KCNQ2: variants seen among roughly 807,000 people sequenced by gnomAD.
KCNQ2 encodes the protein potassium voltage-gated channel subfamily Q member 2, also known as potassium voltage-gated channel subfamily KQT member 2.
Under a neutral mutation model 84.8 loss-of-function variants are expected in KCNQ2, and 14 were observed. That is an observed-to-expected ratio of 0.17 (90% CI 0.11 to 0.26). The LOEUF is 0.26. Among genes scored for constraint, KCNQ2 ranks in the 10% least tolerant of loss-of-function variants. The pLI is 1.00. For missense variants in KCNQ2, 788 were observed against 1,254.0 expected, an observed-to-expected ratio of 0.63 and a Z score of 5.61; for synonymous variants, 599 against 554.1, an observed-to-expected ratio of 1.08 and a Z score of -1.14.
At position 63,414,209 on chromosome 20, in the gene KCNQ2, C is replaced by T. The variant is rs1210041800; in HGVS notation, c.1526-16G>A. 23 of 1,597,744 alleles carry T rather than the reference C, an allele frequency of 1.4e-5. No individual in the cohort carries two copies. Among genetic ancestry groups the T allele is most frequent in the Non-Finnish European group, 1.8e-5 (21 of 1,166,006 alleles). ...AGGCTTGCTTCTGGGGGGAAGGAGA[C>T]AGGCCGTGAGGGGCCGAGGGGGCCG... On this transcript the variant is annotated splice_polypyrimidine_tract_variant and intron_variant, in intron 13 of 16. Coordinates refer to ENST00000359125, the MANE Select transcript of KCNQ2 (RefSeq NM_172107.4). This position sits in a 1 kb window ranked among gnomAD's most constrained non-coding sequence, Gnocchi z 6.6.
chr20:63,421,084 G>C (rs1421882668), intron 11 of KCNQ2, among the ~76,000 whole-genome samples: 1 of 151,912 alleles, frequency 6.6e-6, no homozygotes, highest in African/African-American at 2.4e-5. Context: ...AGGGCCCCAG[G>C]AGACCTTCCC....
Position 63,408,396 on chromosome 20 carries a change from C to G in KCNQ2, c.1887+17G>C. 1.2e-6 allele frequency: 2 copies of G among 1,605,462 alleles called. No individual in the cohort carries two copies. The highest frequency in any genetic ancestry group is 1.7e-6 in the Non-Finnish European group (2 of 1,179,084). The stretch of plus-strand genomic sequence containing the variant: ...CAGCCCTCCAGCCCCGCACCCCTCC[C>G]GCCCAGCCTCTCGCACCTGCTTCTC... On this transcript the variant is annotated intron_variant, in intron 16 of 16. Coordinates refer to ENST00000359125, the MANE Select transcript of KCNQ2 (RefSeq NM_172107.4). This position sits in a 1 kb window ranked among gnomAD's most constrained non-coding sequence, Gnocchi z 5.0.
At chr20:63,447,206 C>G (rs1299686838) in intron 1 of KCNQ2, among the ~76,000 whole-genome samples, 1 of 152,250 alleles carries the variant, frequency 6.6e-6, no homozygotes, top group South Asian at 2.1e-4. Flanking sequence ...AACAGCAAGG[C>G]CTGCCCATCA....
chr20:63,464,814 GCA>G lies in KCNQ2; in HGVS notation c.296+7352_296+7353del, dbSNP rs1046004317. Among the ~76,000 whole-genome samples the G allele has an allele frequency of 4.0e-4, 61 of 152,168 alleles. 1 individual carries two copies. The highest frequency in any genetic ancestry group is 1.3e-4 in the Admixed American group (2 of 15,278). On this transcript the variant is annotated intron_variant, in intron 1 of 16. Transcript: ENST00000359125. ...GCCAGCCAATCAACCACAGCCCCGC[GCA>G]CAGACTCTCCCAGGTGGGACTGAGG...
At chr20:63,469,452 A>G (rs879690935) in intron 1 of KCNQ2, among the ~76,000 whole-genome samples, 2 of 152,028 alleles carry the variant, frequency 1.3e-5, no homozygotes, top group African/African-American at 4.8e-5. Flanking sequence ...GGACGTCCCC[A>G]CCTCCCCAGA....
chr20:63,429,039 C>G (rs902534982), intron 9 of KCNQ2, among the ~76,000 whole-genome samples: 17 of 151,998 alleles, frequency 1.1e-4, no homozygotes, highest in Non-Finnish European at 1.5e-5. Flanking sequence ...CTGGTCATAC[C>G]CACCCCTGTC....
rs745842711 is a variant in KCNQ2, at chr20:63,438,578, G to T, written c.1023+47C>A. ...CGGCCTCCACTCCTCAACAAGGTGG[G>T]ACCAGGACAAGGGCTGTGCTGGTCC... is the stretch of plus-strand genomic sequence containing the variant. On this transcript the variant is annotated intron_variant, in intron 7 of 16. Coordinates refer to ENST00000359125, the MANE Select transcript of KCNQ2 (RefSeq NM_172107.4). This position sits in a 1 kb window ranked among gnomAD's most constrained non-coding sequence, Gnocchi z 5.1. 3 of 1,535,394 alleles carry T rather than the reference G, an allele frequency of 2.0e-6. No individual in the cohort carries two copies. The highest frequency in any genetic ancestry group is 4.5e-5 in the East Asian group (2 of 44,554).
At chr20:63,416,114 G>A (rs762951766) in intron 12 of KCNQ2, among the ~76,000 whole-genome samples, 90 of 152,204 alleles carry the variant, frequency 5.9e-4, no homozygotes, top group Non-Finnish European at 9.7e-4. Context: ...AATGGATAAC[G>A]GGGCTCCTCC....
rs1030898292 is a variant in KCNQ2, at chr20:63,435,859, G to A, written c.1024-1956C>T. Among the ~76,000 whole-genome samples the A allele has an allele frequency of 1.3e-4, 19 of 147,876 alleles. 1 individual carries two copies. Among genetic ancestry groups the A allele is most frequent in the African/African-American group, 4.8e-4 (19 of 39,756 alleles). On this transcript the variant is annotated intron_variant, in intron 7 of 16. Coordinates refer to ENST00000359125, the MANE Select transcript of KCNQ2 (RefSeq NM_172107.4). ...AGAGCTTCCCTGCCCCTCCCTCTCC[G>A]GCACATGGGTGGCTCGCCACACTGG...
intron 15 of KCNQ2, chr20:63,412,287 A>T (rs1233587875): frequency 5.7e-6 from 1 of 176,008 alleles, no homozygotes; most frequent in African/African-American, 2.4e-5. Context: ...TTCCAGAGAG[A>T]GAGGGAAGGA....
At chr20:63,445,206 A>C in intron 3 of KCNQ2, 32 bp downstream of exon 3, 1 of 1,613,712 alleles carries the variant, frequency 6.2e-7, no homozygotes, top group Non-Finnish European at 8.5e-7. Flanking sequence ...CCTGGCCCTG[A>C]TTCTAGCAAT....
Position 63,443,478 on chromosome 20 carries a change from TCAC to T in KCNQ2, c.691-950_691-948del, listed in dbSNP as rs1430429806. Among the ~76,000 whole-genome samples the T allele has an allele frequency of 3.5e-3, 101 of 28,986 alleles. 2 individuals carry two copies. Among genetic ancestry groups the T allele is most frequent in the African/African-American group, 0.01 (81 of 7,908 alleles). 19.0% of individuals were successfully genotyped at this position (28,986 alleles called of 152,430 possible). ...ACCATCACCACCATCACCACCATCA[TCAC>T]CACCACCATCACCATCACCACCACC... On this transcript the variant is annotated intron_variant, in intron 4 of 16. Coordinates refer to ENST00000359125, the MANE Select transcript of KCNQ2 (RefSeq NM_172107.4).
At chr20:63,439,449 C>T in intron 6 of KCNQ2, 149 bp downstream of exon 6, 1 of 687,000 alleles carries the variant, frequency 1.5e-6, no homozygotes, top group Non-Finnish European at 2.6e-6. Context: ...CCTGAGCTGC[C>T]ACCTCCAGCT....
At chr20:63,434,761 C>T (rs759454893) in intron 7 of KCNQ2, 1 of 152,272 alleles carries the variant, frequency 6.6e-6, no homozygotes, top group Non-Finnish European at 1.5e-5. Context: ...CCATCCGCGT[C>T]GTAGCAAGGG....
At position 63,406,052 on chromosome 20, in the gene KCNQ2, C is replaced by T. The variant is rs1353320544; in HGVS notation, c.*592G>A. 1.3e-5 allele frequency: 2 copies of T among 152,564 alleles called. No homozygotes were observed. Among genetic ancestry groups the T allele is most frequent in the African/African-American group, 4.8e-5 (2 of 41,450 alleles). The allele number at this position is 152,564 out of a possible 1,614,324, so 9.5% of individuals were successfully genotyped here. On this transcript the variant is annotated 3_prime_UTR_variant, in exon 17 of 17. Coordinates refer to ENST00000359125, the MANE Select transcript of KCNQ2 (RefSeq NM_172107.4). ...GATCCCAGAAGGTACAGGGAGAAGA[C>T]GCCAACCAATAGCTCTGTATTTGGG...
At chr20:63,417,141 G>A (rs1434479525) in intron 12 of KCNQ2, among the ~76,000 whole-genome samples, 2 of 152,194 alleles carry the variant, frequency 1.3e-5, no homozygotes, top group African/African-American at 4.8e-5. Context: ...GGGGCCAGGG[G>A]TGCTCAGAGT....
At chr20:63,471,737 G>A (rs1465846291) in intron 1 of KCNQ2, 3 of 171,238 alleles carry the variant, frequency 1.8e-5, no homozygotes, top group Non-Finnish European at 3.7e-5. Context: ...GCGGAGGACA[G>A]GCCAGACCCC....
rs1272820728 is a variant in KCNQ2, at chr20:63,403,410, GTGC to G, written c.*3231_*3233del. The G allele has an allele frequency of 1.3e-5, 2 of 152,394 alleles. No homozygotes were observed. Among genetic ancestry groups the G allele is most frequent in the African/African-American group, 4.8e-5 (2 of 41,456 alleles). 9.4% of individuals were successfully genotyped at this position (152,394 alleles called of 1,614,324 possible). A position where few individuals can be genotyped will look rare whatever the true frequency, so the allele number is the denominator to read the frequency against. ...GGAGTGTGCATGCACGCGTGTGTGT[GTGC>G]ATGTGTGCAGTGTGCTCTGTGCACT... On this transcript the variant is annotated 3_prime_UTR_variant, in exon 17 of 17. Coordinates refer to ENST00000359125, the MANE Select transcript of KCNQ2 (RefSeq NM_172107.4).
At chr20:63,456,431 C>T (rs996036362) in intron 1 of KCNQ2, among the ~76,000 whole-genome samples, 6 of 152,292 alleles carry the variant, frequency 3.9e-5, no homozygotes, top group Admixed American at 1.3e-4. Flanking sequence ...AGGCTGACTC[C>T]AAGTTGGCCA....
Sources: gnomAD v4.1 joint callset for allele counts (sites outside exome capture counted in the v4.1 genomes callset) on GRCh38, gnomAD v4.1.1 for gene constraint, Gnocchi (gnomAD v3.1) non-coding constraint, MANE v1.5 for transcripts, NCBI Gene and HGNC (gene_info 2026-07-23, HGNC 2026-07-21) for gene names.